The following DCPH1 variants were observed in gnomAD, a reference collection of about 807,000 sequenced individuals.
The protein encoded by DCPH1 is damage control phosphatase 1.
At chr6:151,453,749 C>CT in the DCPH1 span, among the ~76,000 whole-genome samples, 1 of 152,140 alleles carries the variant, frequency 6.6e-6, no homozygotes, top group East Asian at 1.9e-4. Context: ...CCAAATAAAG[C>CT]TTTTTTTCTA....
At chr6:151,460,817 C>A in the DCPH1 span, among the ~76,000 whole-genome samples, 1 of 151,970 alleles carries the variant, frequency 6.6e-6, no homozygotes, top group African/African-American at 2.4e-5. Flanking sequence ...AAAAAAACTC[C>A]GGTGCACTGC....
chr6:151,466,050 C>CT, the DCPH1 span, among the ~76,000 whole-genome samples: 1 of 152,168 alleles, frequency 6.6e-6, no homozygotes, highest in African/African-American at 2.4e-5. Flanking sequence ...TCCTGAGTAG[C>CT]TGGAATTACA....
the DCPH1 span, among the ~76,000 whole-genome samples, chr6:151,456,882 C>G: frequency 6.6e-6 from 1 of 152,196 alleles, no homozygotes. Flanking sequence ...TTAATGAAGT[C>G]CTAGTATATT....
chr6:151,457,321 A>T, the DCPH1 span, among the ~76,000 whole-genome samples: 1 of 152,228 alleles, frequency 6.6e-6, no homozygotes, highest in Non-Finnish European at 1.5e-5. Context: ...TTTGAATTCA[A>T]TTCAAGTAAG....
the DCPH1 span, chr6:151,454,766 GTATT>G: frequency 3.3e-5 from 19 of 572,438 alleles, no homozygotes; most frequent in South Asian, 6.7e-5. Flanking sequence ...GATGGGCCAA[GTATT>G]TATTTGTTTT....
the DCPH1 span, among the ~76,000 whole-genome samples, chr6:151,453,413 C>T: frequency 6.6e-6 from 1 of 152,186 alleles, no homozygotes; most frequent in Non-Finnish European, 1.5e-5. Context: ...ATTCAAGTGA[C>T]AGTTGATTTA....
the DCPH1 span, chr6:151,469,333 A>G: frequency 2.5e-6 from 1 of 396,048 alleles, no homozygotes; most frequent in East Asian, 3.8e-5. Context: ...AGATATTTAC[A>G]TTTATATTGG....
At chr6:151,462,697 A>G in the DCPH1 span, among the ~76,000 whole-genome samples, 4 of 152,320 alleles carry the variant, frequency 2.6e-5, no homozygotes, top group Admixed American at 2.0e-4. Flanking sequence ...ATCCCTCCCT[A>G]GAAGTGAATC....
chr6:151,459,801 A>C, the DCPH1 span, among the ~76,000 whole-genome samples: 1 of 152,112 alleles, frequency 6.6e-6, no homozygotes, highest in African/African-American at 2.4e-5. Context: ...AAACCAAAAA[A>C]CAAAAAACTG....
the DCPH1 span, among the ~76,000 whole-genome samples, chr6:151,453,761 C>T: frequency 6.6e-6 from 1 of 152,144 alleles, no homozygotes; most frequent in Non-Finnish European, 1.5e-5. Context: ...TTTTTTCTAC[C>T]TGTATCATGT....
the DCPH1 span, among the ~76,000 whole-genome samples, chr6:151,467,162 GA>G: frequency 6.6e-6 from 1 of 150,942 alleles, no homozygotes; most frequent in African/African-American, 2.4e-5. Flanking sequence ...TGAGGCAGGA[GA>G]AAAGCTTGAA....
At chr6:151,469,914 A>G in the DCPH1 span, 1 of 152,208 alleles carries the variant, frequency 6.6e-6, no homozygotes, top group Admixed American at 6.5e-5. Context: ...AAAGGTTCTT[A>G]TGCATTGAAT....
the DCPH1 span, chr6:151,469,119 A>G: frequency 6.3e-7 from 1 of 1,591,246 alleles, no homozygotes. Context: ...GACTTGATTT[A>G]GGAGCTCTCA....
chr6:151,468,270 C>G, the DCPH1 span: 16 of 970,900 alleles, frequency 1.6e-5, no homozygotes, highest in African/African-American at 6.5e-5. Context: ...AATGTCCCCC[C>G]ATCCCGCTAC....
At chr6:151,467,957 A>C in the DCPH1 span, among the ~76,000 whole-genome samples, 1 of 152,206 alleles carries the variant, frequency 6.6e-6, no homozygotes, top group African/African-American at 2.4e-5. Flanking sequence ...CCAAGGAGGA[A>C]AAAATAAACT....
chr6:151,455,952 G>A, the DCPH1 span, among the ~76,000 whole-genome samples: 1 of 152,266 alleles, frequency 6.6e-6, no homozygotes, highest in Admixed American at 6.5e-5. Context: ...CAAGGAGTAT[G>A]CTGCCTTCAA....
chr6:151,460,021 A>G, the DCPH1 span, among the ~76,000 whole-genome samples: 1 of 152,160 alleles, frequency 6.6e-6, no homozygotes, highest in Non-Finnish European at 1.5e-5. Flanking sequence ...TCTGTTCATT[A>G]GCTTTTTTGT....
the DCPH1 span, chr6:151,468,803 A>G: frequency 5.6e-6 from 9 of 1,614,248 alleles, no homozygotes; most frequent in Middle Eastern, 1.6e-4. Flanking sequence ...ACTCTGCCTC[A>G]TGAGTACTGT....
the DCPH1 span, chr6:151,452,646 T>G: frequency 6.5e-7 from 1 of 1,549,792 alleles, no homozygotes; most frequent in Admixed American, 2.0e-5. Flanking sequence ...CGGGAGCCTG[T>G]GGGGACTAAG....
Sources: allele counts gnomAD v4.1 joint callset (sites outside exome capture counted in the v4.1 genomes callset), GRCh38; gene constraint gnomAD v4.1.1; transcripts MANE v1.5; gene names NCBI Gene and HGNC (gene_info 2026-07-23, HGNC 2026-07-21).